Variants in CUL5 observed in about 807,000 individuals in gnomAD.
CUL5 encodes the protein cullin-5.
In CUL5, 26 loss-of-function variants were observed where a neutral mutation model predicts 108.8. The ratio of observed to expected loss-of-function variants is 0.24; its 90% CI spans 0.18 to 0.33. The LOEUF (loss-of-function observed/expected upper bound fraction) is 0.33. Among genes scored for constraint, CUL5 ranks in the 10% least tolerant of loss-of-function variants. The pLI is 1.00. For missense variants in CUL5, 524 were observed against 909.2 expected (o/e 0.58, Z 5.45); for synonymous variants, 334 against 298.0 (o/e 1.12, Z -1.25).
At chr11:108,014,633 T>G (rs1373437877) in intron 1 of CUL5, among the ~76,000 whole-genome samples, 1 of 152,238 alleles carries the variant, frequency 6.6e-6, no homozygotes, top group Non-Finnish European at 1.5e-5. Flanking sequence ...TCTTGTTCAT[T>G]GAAACCGTAA....
chr11:108,046,678 C>CT (rs200639536), intron 3 of CUL5, among the ~76,000 whole-genome samples: 38 of 151,742 alleles, frequency 2.5e-4, no homozygotes, highest in Admixed American at 2.0e-3. Context: ...CCACACAGAT[C>CT]TTTTTTTTTC....
intron 7 of CUL5, among the ~76,000 whole-genome samples, chr11:108,059,633 C>G (rs568733175): frequency 6.6e-6 from 1 of 152,152 alleles, no homozygotes; most frequent in African/African-American, 2.4e-5. Flanking sequence ...AATCCCAGCA[C>G]TTAGGGAGGC....
rs1326797841 is a variant in CUL5, at chr11:108,009,031, C to A, written c.-318C>A. On this transcript the variant is annotated 5_prime_UTR_variant, in exon 1 of 19. Coordinates refer to ENST00000393094, the MANE Select transcript of CUL5 (RefSeq NM_003478.6). ...CTAATCCGAAGGAGTCGGGGAGGCT[C>A]GTGGAGTCGATGCTTCCTCTTCCAA... is the stretch of plus-strand genomic sequence containing the variant. The A allele has an allele frequency of 2.3e-6, 1 of 435,390 alleles. No homozygotes were observed. The highest frequency in any genetic ancestry group is 4.1e-6 in the Non-Finnish European group (1 of 242,310). The allele number at this position is 435,390 out of a possible 1,614,324, so 27.0% of individuals were successfully genotyped here. A position where few individuals can be genotyped will look rare whatever the true frequency, so the allele number is the denominator to read the frequency against.
At position 108,073,433 on chromosome 11, in the gene CUL5, G is replaced by T. The variant is rs1863873101; in HGVS notation, c.1049G>T (p.Arg350Ile). 1 of 1,597,474 alleles carries T rather than the reference G, an allele frequency of 6.3e-7. No individual in the cohort carries two copies. The highest frequency in any genetic ancestry group is 2.2e-5 in the East Asian group (1 of 44,530). Residue 350 changes from arginine (R) to isoleucine (I), a missense_variant, in exon 10 of 19, where the codon AGA (arginine) becomes ATA (isoleucine). Arg to Ile is a moderately conservative substitution (Grantham distance 97). Transcript: ENST00000393094. ...YVEQLLTLFN[R>I]FSKLVKEAFQ... ...GAGCAGTTACTTACACTATTTAATA[G>T]ATTTAGTAAACTCGTCAAAGAAGCT...
chr11:108,009,487 T>C (rs1357320624), intron 1 of CUL5, 115 bp downstream of exon 1: 3 of 1,156,382 alleles, frequency 2.6e-6, no homozygotes, highest in Non-Finnish European at 2.5e-6. Context: ...GGTTGTCCAC[T>C]GGCAGGGAAG....
intron 2 of CUL5, among the ~76,000 whole-genome samples, chr11:108,044,643 T>C (rs189350752): frequency 1.6e-4 from 25 of 152,240 alleles, no homozygotes; most frequent in Non-Finnish European, 3.4e-4. Context: ...CTGGGGAACA[T>C]TTTTTGAATG....
chr11:108,041,591 C>CT (rs1009350510), intron 2 of CUL5, among the ~76,000 whole-genome samples: 8 of 150,532 alleles, frequency 5.3e-5, no homozygotes, highest in African/African-American at 2.0e-4. Context: ...CTGGTTTTTT[C>CT]TTTCTTTTTT....
chr11:108,078,253 A>C lies in CUL5; in HGVS notation c.1178+13A>C. The C allele has an allele frequency of 6.8e-7, 1 of 1,481,364 alleles. No homozygotes were observed. Among genetic ancestry groups the C allele is most frequent in the Non-Finnish European group, 9.3e-7 (1 of 1,080,314 alleles). 91.8% of individuals were successfully genotyped at this position (1,481,364 alleles called of 1,614,324 possible). On this transcript the variant is annotated intron_variant, in intron 11 of 18. Coordinates refer to ENST00000393094, the MANE Select transcript of CUL5 (RefSeq NM_003478.6). Reference sequence around the variant, plus strand: ...TGAAGCAGAAGGGGTAAGTTTTTTAAAACCATACTTTAAAAATACTTAAAT... The same window carrying C: ...TGAAGCAGAAGGGGTAAGTTTTTTACAACCATACTTTAAAAATACTTAAAT...
At chr11:108,042,346 A>C (rs1449391208) in intron 2 of CUL5, among the ~76,000 whole-genome samples, 2 of 151,228 alleles carry the variant, frequency 1.3e-5, no homozygotes, top group Non-Finnish European at 2.9e-5. Flanking sequence ...AGCCTCCCAA[A>C]TTGCTGGGAC....
Position 108,052,755 on chromosome 11 carries a change from A to G in CUL5, c.507A>G (p.Gly169=), listed in dbSNP as rs1184960882. 3.7e-6 allele frequency: 6 copies of G among 1,613,744 alleles called. No homozygotes were observed. Among genetic ancestry groups the G allele is most frequent in the Non-Finnish European group, 5.1e-6 (6 of 1,179,832 alleles). The change falls in exon 5 of 19, where the codon GGA becomes GGG. Residue 169 remains glycine (G), a synonymous_variant. Transcript: ENST00000393094. ...AGCTGGTACATGCTGAGAGATTGGG[A>G]GAAGCTTTTGATTCTCAGCTGGTTA... ...AMKLVHAERL[G]EAFDSQLVIG... is the part of the protein sequence containing the mutation.
intron 1 of CUL5, among the ~76,000 whole-genome samples, chr11:108,014,931 C>T (rs1236462739): frequency 2.0e-5 from 3 of 152,128 alleles, no homozygotes; most frequent in Admixed American, 1.3e-4. Context: ...CGGGGTCTCA[C>T]TCTCTTGCCC....
At chr11:108,049,111 A>G (rs1032869683) in intron 3 of CUL5, among the ~76,000 whole-genome samples, 76 of 152,270 alleles carry the variant, frequency 5.0e-4, no homozygotes, top group African/African-American at 1.7e-3. Context: ...TCATCACCCT[A>G]AAAAGAAATC....
At chr11:108,093,744 G>C (rs1237490740) in intron 13 of CUL5, among the ~76,000 whole-genome samples, 1 of 152,170 alleles carries the variant, frequency 6.6e-6, no homozygotes, top group Admixed American at 6.5e-5. Flanking sequence ...AGGATCTTCT[G>C]TTGCCCAGGC....
chr11:108,102,481 C>T (rs1190082306), intron 18 of CUL5, among the ~76,000 whole-genome samples: 3 of 152,162 alleles, frequency 2.0e-5, no homozygotes, highest in Non-Finnish European at 4.4e-5. Flanking sequence ...CGCGTGCCAC[C>T]ATACCCAGCT....
chr11:108,045,896 A>T (rs1267330239), intron 2 of CUL5, among the ~76,000 whole-genome samples: 1 of 152,150 alleles, frequency 6.6e-6, no homozygotes, highest in East Asian at 1.9e-4. Context: ...AAAAATAATT[A>T]AAAAGGACAA....
At chr11:108,073,101 G>T (rs974208771) in intron 9 of CUL5, among the ~76,000 whole-genome samples, 1 of 151,688 alleles carries the variant, frequency 6.6e-6, no homozygotes, top group Non-Finnish European at 1.5e-5. Context: ...ACTTGGGAGG[G>T]TGAGGCAGGA....
chr11:108,085,529 T>A (rs1326814778), intron 11 of CUL5, among the ~76,000 whole-genome samples: 1 of 152,212 alleles, frequency 6.6e-6, no homozygotes, highest in Non-Finnish European at 1.5e-5. Flanking sequence ...GCATTGTGAA[T>A]GTACTTAATG....
In CUL5 at chr11:108,047,563, C is replaced by A. The variant is rs367753086; in HGVS notation, c.234+1194C>A. On this transcript the variant is annotated intron_variant, in intron 3 of 18. Transcript: ENST00000393094. The stretch of plus-strand genomic sequence containing the variant: ...GCATATATTTTAATTTTGCTAGTAG[C>A]CACTACCATGATGGAGTAAGACTAA... 3.9e-5 allele frequency among the ~76,000 whole-genome samples: 6 copies of A among 152,178 alleles called. No individual in the cohort carries two copies. In the East Asian group the frequency reaches 9.7e-4, roughly 24 times the overall value.
intron 12 of CUL5, 82 bp downstream of exon 12, chr11:108,088,741 T>G: frequency 1.0e-5 from 11 of 1,067,646 alleles, no homozygotes; most frequent in Non-Finnish European, 1.3e-5. Context: ...TCTGTGATAG[T>G]ATCAATTTAA....
Sources: gnomAD v4.1 joint callset for allele counts (sites outside exome capture counted in the v4.1 genomes callset) on GRCh38, gnomAD v4.1.1 for gene constraint, MANE v1.5 for transcripts, NCBI Gene and HGNC (gene_info 2026-07-23, HGNC 2026-07-21) for gene names.